The following OR10J1 variants were observed in gnomAD, a reference collection of about 807,000 sequenced individuals.
OR10J1 encodes olfactory receptor 10J1.
For synonymous variants in OR10J1, 202 were observed against 143.8 expected (o/e 1.40, Z -2.89); for missense variants, 474 against 376.6 (o/e 1.26, Z -2.14).
At chr1:159,417,264 A>T in the OR10J1 span, among the ~76,000 whole-genome samples, 1 of 151,942 alleles carries the variant, frequency 6.6e-6, no homozygotes, top group Non-Finnish European at 1.5e-5. Flanking sequence ...TTGTGTTTCC[A>T]TTTTATTTCT....
chr1:159,427,092 C>T, the OR10J1 span, among the ~76,000 whole-genome samples: 1 of 151,608 alleles, frequency 6.6e-6, no homozygotes, highest in Non-Finnish European at 1.5e-5. Context: ...TTAACATAAG[C>T]ATTTAAATAA....
At chr1:159,427,852 T>A in the OR10J1 span, among the ~76,000 whole-genome samples, 2 of 152,130 alleles carry the variant, frequency 1.3e-5, no homozygotes, top group Non-Finnish European at 2.9e-5. Context: ...TATACAAAGA[T>A]CAAGTAGGGG....
the OR10J1 span, chr1:159,405,724 G>T: frequency 1.3e-6 from 1 of 784,776 alleles, no homozygotes; most frequent in South Asian, 1.4e-5. Context: ...GAGGTCATAG[G>T]AGATAAAGAT....
At chr1:159,405,343 G>T in the OR10J1 span, 1 of 152,282 alleles carries the variant, frequency 6.6e-6, no homozygotes, top group African/African-American at 2.4e-5. Context: ...CCCATAGGAG[G>T]CTCCCTGGAC....
the OR10J1 span, among the ~76,000 whole-genome samples, chr1:159,411,183 G>T: frequency 6.6e-6 from 1 of 152,126 alleles, no homozygotes; most frequent in Non-Finnish European, 1.5e-5. Flanking sequence ...TGTTGATTTG[G>T]GGTGGAGAGT....
chr1:159,397,821 G>A, the OR10J1 span, among the ~76,000 whole-genome samples: 25 of 152,270 alleles, frequency 1.6e-4, no homozygotes, highest in South Asian at 4.8e-3. Context: ...GGGGCTTGAG[G>A]GACCTTGCCA....
the OR10J1 span, among the ~76,000 whole-genome samples, chr1:159,400,365 T>C: frequency 6.6e-6 from 1 of 151,300 alleles, no homozygotes; most frequent in Non-Finnish European, 1.5e-5. Flanking sequence ...AGAATGAAAA[T>C]AAAGGGATGA....
At chr1:159,406,972 T>C in the OR10J1 span, among the ~76,000 whole-genome samples, 1 of 152,056 alleles carries the variant, frequency 6.6e-6, no homozygotes, top group African/African-American at 2.4e-5. Context: ...CAAACTACAA[T>C]AGTGGCCATG....
the OR10J1 span, among the ~76,000 whole-genome samples, chr1:159,404,138 G>A: frequency 6.6e-6 from 1 of 151,980 alleles, no homozygotes; most frequent in African/African-American, 2.4e-5. Context: ...GGGGAGGTGG[G>A]GATTGTAAAT....
At chr1:159,432,914 G>A (rs986492960), upstream of OR10J1, 2 of 427,746 alleles carry the variant, frequency 4.7e-6, no homozygotes, top group Non-Finnish European at 8.3e-6. Context: ...CAGGAGAAAG[G>A]CCTTTGCTAC....
the OR10J1 span, among the ~76,000 whole-genome samples, chr1:159,412,034 A>C: frequency 6.6e-6 from 1 of 152,118 alleles, no homozygotes; most frequent in Non-Finnish European, 1.5e-5. Context: ...GCATTCTTAT[A>C]CACCAATAAC....
chr1:159,407,375 T>C, the OR10J1 span, among the ~76,000 whole-genome samples: 1 of 152,110 alleles, frequency 6.6e-6, no homozygotes, highest in Non-Finnish European at 1.5e-5. Context: ...GCTTTATCTC[T>C]AAAATGAGCT....
the OR10J1 span, among the ~76,000 whole-genome samples, chr1:159,421,424 G>A: frequency 6.6e-6 from 1 of 152,018 alleles, no homozygotes; most frequent in Admixed American, 6.6e-5. Context: ...ATCTCTTGCT[G>A]GAGAATTTTT....
the OR10J1 span, among the ~76,000 whole-genome samples, chr1:159,419,527 T>C: frequency 1.3e-5 from 2 of 152,218 alleles, no homozygotes; most frequent in Admixed American, 6.5e-5. Context: ...TGTGAGTCTA[T>C]TAAACCTCTT....
the OR10J1 span, chr1:159,406,497 A>G: frequency 6.6e-5 from 16 of 241,110 alleles, no homozygotes; most frequent in East Asian, 1.5e-3. Context: ...TTCCAGGCAC[A>G]GGGGTTATCT....
the OR10J1 span, chr1:159,432,125 G>A: frequency 1.0e-5 from 4 of 399,526 alleles, no homozygotes; most frequent in East Asian, 7.1e-5. Flanking sequence ...GGCTGATGAC[G>A]ATCCTGGACC....
the OR10J1 span, among the ~76,000 whole-genome samples, chr1:159,410,341 G>A: frequency 6.6e-6 from 1 of 151,588 alleles, no homozygotes; most frequent in African/African-American, 2.4e-5. Flanking sequence ...ACTCTTTTTG[G>A]TTGGTAAGCT....
chr1:159,435,384 A>T (rs188041545), upstream of OR10J1, among the ~76,000 whole-genome samples: 4 of 152,304 alleles, frequency 2.6e-5, no homozygotes, highest in Admixed American at 2.6e-4. Context: ...TGACAAAAGC[A>T]TCTACAAGTA....
the OR10J1 span, among the ~76,000 whole-genome samples, chr1:159,431,077 G>A: frequency 2.8e-4 from 42 of 152,292 alleles, no homozygotes; most frequent in East Asian, 7.9e-3. Flanking sequence ...CTAAAAAATA[G>A]AAGCAGAAGC....
Sources: allele counts gnomAD v4.1 joint callset (sites outside exome capture counted in the v4.1 genomes callset), GRCh38; gene constraint gnomAD v4.1.1; transcripts MANE v1.5; gene names NCBI Gene and HGNC (gene_info 2026-07-23, HGNC 2026-07-21).